The following COL4A4 variants were observed in gnomAD, a reference collection of about 807,000 sequenced individuals.
COL4A4 encodes collagen alpha-4(IV) chain.
COL4A4 carries 105 observed loss-of-function variants against 192.9 expected under a neutral mutation model. The observed-to-expected ratio is 0.54, with a 90% confidence interval of 0.46 to 0.64. The LOEUF (loss-of-function observed/expected upper bound fraction) is 0.64, where lower values mean the gene tolerates loss of function less well. COL4A4 is among the 30% of genes least tolerant of loss of function. The pLI, the probability that COL4A4 is intolerant of heterozygous loss-of-function variation, is 0.00. For missense variants in COL4A4, 1,967 were observed against 2,169.3 expected (o/e 0.91, Z 1.85); for synonymous variants, 762 against 769.9 (o/e 0.99, Z 0.17).
intron 33 of COL4A4, among the ~76,000 whole-genome samples, 183 bp downstream of exon 33, chr2:227,050,794 C>G (rs934541850): frequency 1.3e-5 from 2 of 152,316 alleles, no homozygotes; most frequent in Middle Eastern, 3.4e-3. Flanking sequence ...GAGCACTGGT[C>G]AGAAATGTCA....
chr2:227,063,993 C>A (rs948520666), intron 25 of COL4A4, among the ~76,000 whole-genome samples: 1 of 152,004 alleles, frequency 6.6e-6, no homozygotes, highest in Non-Finnish European at 1.5e-5. Flanking sequence ...ATTTGTTTAA[C>A]AAGGTACAAG....
rs560263297 is a variant in COL4A4 at position 227,055,334 on chromosome 2, G to A, written c.2717-597C>T. ...TCAAGATCAGCCTGGCTAAAATAGCGAGATCCTGTCTCCTAAAAAAAAAAA... is the reference window on the plus strand; with the variant it reads ...TCAAGATCAGCCTGGCTAAAATAGCAAGATCCTGTCTCCTAAAAAAAAAAA... On this transcript the variant is annotated intron_variant, in intron 30 of 47. Coordinates refer to ENST00000396625, the MANE Select transcript of COL4A4 (RefSeq NM_000092.5). 9.2e-5 allele frequency among the ~76,000 whole-genome samples: 13 copies of A among 141,448 alleles called. No individual in the cohort carries two copies. The South Asian group carries it at 9.7e-4, about 11-fold the overall frequency. The allele number at this position is 141,448 out of a possible 152,430, so 92.8% of individuals were successfully genotyped here.
intron 40 of COL4A4, 82 bp downstream of exon 40, chr2:227,031,863 A>G (rs1968489032): frequency 2.0e-6 from 2 of 1,025,520 alleles, no homozygotes; most frequent in African/African-American, 3.2e-5. Flanking sequence ...CTATTCTGCC[A>G]CTCTCTGGTC....
At chr2:227,099,471 A>G in intron 18 of COL4A4, 149 bp downstream of exon 18, 1 of 722,454 alleles carries the variant, frequency 1.4e-6, no homozygotes, top group Admixed American at 2.1e-5. Context: ...AACCTCATGC[A>G]CATGTATAAT....
At chr2:227,041,432 G>A (rs1970797623) in intron 37 of COL4A4, among the ~76,000 whole-genome samples, 1 of 151,808 alleles carries the variant, frequency 6.6e-6, no homozygotes. Context: ...TTGAGGTCAG[G>A]AGTTTGAGAC....
At chr2:227,050,214 C>A (rs1417555029) in intron 33 of COL4A4, 83 bp from the exon 34 acceptor site, 2 of 1,328,790 alleles carry the variant, frequency 1.5e-6, no homozygotes, top group East Asian at 4.6e-5. Context: ...TTGTAATTTT[C>A]TGTAACTAAT....
chr2:227,099,515 T>G, intron 18 of COL4A4, 105 bp downstream of exon 18: 1 of 1,017,314 alleles, frequency 9.8e-7, no homozygotes. Flanking sequence ...GCATTCAGCC[T>G]GCCTAGTGTG....
chr2:227,110,707 G>A (rs1277706246), intron 9 of COL4A4, among the ~76,000 whole-genome samples: 1 of 119,260 alleles, frequency 8.4e-6, no homozygotes, highest in African/African-American at 3.3e-5. Context: ...TTTTGAGATG[G>A]AGTTTCAGTC....
chr2:226,986,641 A>T, the COL4A4 span, among the ~76,000 whole-genome samples: 17 of 152,248 alleles, frequency 1.1e-4, no homozygotes, highest in African/African-American at 4.1e-4. Context: ...ATACCATCTC[A>T]TGCCAGTTAG....
chr2:226,970,373 A>ATT, the COL4A4 span, among the ~76,000 whole-genome samples: 1 of 151,960 alleles, frequency 6.6e-6, no homozygotes, highest in African/African-American at 2.4e-5. Context: ...AAATGGTTTC[A>ATT]TTTTTTACTA....
At position 227,012,178 on chromosome 2, in the gene COL4A4, T is replaced by C. The variant is rs1455105815; in HGVS notation, c.4333+3A>G. On this transcript the variant is annotated splice_donor_region_variant and intron_variant, in intron 45 of 47. Transcript: ENST00000396625. The stretch of plus-strand genomic sequence containing the variant: ...GAGAAAAGAGGAGTGACTGAAACTC[T>C]ACCTGGTCCTCCAGGGTAGCCGTCT... 3 of 1,606,996 alleles carry C rather than the reference T, an allele frequency of 1.9e-6. No homozygotes were observed. Among genetic ancestry groups the C allele is most frequent in the Admixed American group, 1.7e-5 (1 of 60,000 alleles).
rs966818396 is a variant in COL4A4 at position 227,004,977 on chromosome 2, T to A, written c.*2348A>T. 1 of 152,246 alleles carries A rather than the reference T, an allele frequency of 6.6e-6. No individual in the cohort carries two copies. The highest frequency in any genetic ancestry group is 1.5e-5 in the Non-Finnish European group (1 of 68,046). 9.4% of individuals were successfully genotyped at this position (152,246 alleles called of 1,614,324 possible). A position where few individuals can be genotyped will look rare whatever the true frequency, so the allele number is the denominator to read the frequency against. ...AAGGGTAATTGAAGGCACATTGATA[T>A]ATAACCAGGTGAAGAAAATAATGGT... On this transcript the variant is annotated 3_prime_UTR_variant, in exon 48 of 48. Transcript: ENST00000396625.
intron 42 of COL4A4, among the ~76,000 whole-genome samples, chr2:227,027,007 C>A (rs938374548): frequency 3.9e-5 from 6 of 152,146 alleles, no homozygotes; most frequent in Non-Finnish European, 7.4e-5. Context: ...GTAATCCCAG[C>A]ACTTTGGGAG....
chr2:227,082,282 T>A, intron 22 of COL4A4, 95 bp from the exon 23 acceptor site: 1 of 1,135,764 alleles, frequency 8.8e-7, no homozygotes, highest in Non-Finnish European at 1.3e-6. Context: ...CCCTCCTAAA[T>A]CTCTTGTTAA....
chr2:227,099,695 A>C lies in COL4A4; in HGVS notation c.1030-6T>G. 1 of 1,613,552 alleles carries C rather than the reference A, an allele frequency of 6.2e-7. No individual in the cohort carries two copies. The highest frequency in any genetic ancestry group is 8.5e-7 in the Non-Finnish European group (1 of 1,179,536). ...CCTCGATTTCCAGGATCCCCCTGAA[A>C]TCATTCATTCATTCACTTTTTAAAG... is the stretch of plus-strand genomic sequence containing the variant. On this transcript the variant is annotated splice_polypyrimidine_tract_variant and splice_region_variant and intron_variant, in intron 17 of 47. Transcript: ENST00000396625.
intron 34 of COL4A4, among the ~76,000 whole-genome samples, chr2:227,049,472 C>T (rs535715524): frequency 1.3e-5 from 2 of 152,280 alleles, no homozygotes; most frequent in South Asian, 2.1e-4. Flanking sequence ...GTGACTGAGA[C>T]CATATGGCCC....
intron 25 of COL4A4, among the ~76,000 whole-genome samples, chr2:227,072,887 G>T (rs896257083): frequency 2.6e-5 from 4 of 151,784 alleles, no homozygotes; most frequent in Non-Finnish European, 5.9e-5. Context: ...GGCATAGATG[G>T]GACCTACCTC....
the COL4A4 span, among the ~76,000 whole-genome samples, chr2:226,971,613 A>C: frequency 6.6e-6 from 1 of 152,114 alleles, no homozygotes; most frequent in African/African-American, 2.4e-5. Context: ...GCTATAGTTT[A>C]TTTTTTTGCC....
At chr2:227,142,452 G>A (rs2063283953) in intron 3 of COL4A4, among the ~76,000 whole-genome samples, 1 of 152,074 alleles carries the variant, frequency 6.6e-6, no homozygotes, top group African/African-American at 2.4e-5. Context: ...ACATATATTT[G>A]TCACATAGAA....
Sources: allele counts gnomAD v4.1 joint callset (sites outside exome capture counted in the v4.1 genomes callset), GRCh38; gene constraint gnomAD v4.1.1; transcripts MANE v1.5; gene names NCBI Gene and HGNC (gene_info 2026-07-23, HGNC 2026-07-21).